Variants in TP73 observed in about 807,000 individuals in gnomAD.
TP73 encodes p53-like transcription factor.
TP73 carries 25 observed loss-of-function variants against 62.5 expected under a neutral mutation model. The observed-to-expected ratio is 0.40, with a 90% CI of 0.29 to 0.56. TP73 has a LOEUF of 0.56. Among genes scored for constraint, TP73 ranks in the 20% least tolerant of loss-of-function variants. The probability of loss-of-function intolerance (pLI) is 0.46; values close to 1 mark genes in which losing one functional copy is unlikely to be tolerated. For synonymous variants in TP73, 423 were observed against 377.5 expected, an observed-to-expected ratio of 1.12 and a Z score of -1.40; for missense variants, 754 against 913.3, an observed-to-expected ratio of 0.83 and a Z score of 2.25.
At chr1:3,718,986 G>C (rs1640846385) in intron 4 of TP73, among the ~76,000 whole-genome samples, 3 of 152,144 alleles carry the variant, frequency 2.0e-5, no homozygotes, top group South Asian at 4.1e-4. Context: ...CAGAGATGCA[G>C]GTGGAGAGGC....
At chr1:3,707,151 C>A (rs1165705431) in intron 3 of TP73, among the ~76,000 whole-genome samples, 1 of 152,210 alleles carries the variant, frequency 6.6e-6, no homozygotes, top group African/African-American at 2.4e-5. Context: ...TGCCTGGCTC[C>A]CTGGGGCTGG....
At chr1:3,695,916 C>T (rs2124298168) in intron 3 of TP73, among the ~76,000 whole-genome samples, 1 of 152,292 alleles carries the variant, frequency 6.6e-6, no homozygotes, top group East Asian at 1.9e-4. Context: ...TGCTGATGGG[C>T]TGGATATGAG....
chr1:3,659,315 C>A (rs2208992), intron 1 of TP73: 2 of 151,990 alleles, frequency 1.3e-5, no homozygotes, highest in African/African-American at 2.4e-5. Flanking sequence ...GGGCGGCCCA[C>A]GCAGCAACAG....
At chr1:3,693,393 T>C (rs1021950694) in intron 3 of TP73, among the ~76,000 whole-genome samples, 1 of 152,222 alleles carries the variant, frequency 6.6e-6, no homozygotes, top group South Asian at 2.1e-4. Flanking sequence ...AGCCTGGCCC[T>C]GGGAAGAGGC....
chr1:3,707,807 C>T lies in TP73; in HGVS notation c.429+16C>T. 1 of 1,608,716 alleles carries T rather than the reference C, an allele frequency of 6.2e-7. No homozygotes were observed. Among genetic ancestry groups the T allele is most frequent in the Non-Finnish European group, 8.5e-7 (1 of 1,177,310 alleles). On this transcript the variant is annotated intron_variant, in intron 4 of 13. Coordinates refer to ENST00000378295, the MANE Select transcript of TP73 (RefSeq NM_005427.4). The stretch of plus-strand genomic sequence containing the variant: ...CACCTGGACGGTGAGTTCCCCTAGT[C>T]CCTGAGGGCTGCGGGCTGCGGGCTG...
intron 3 of TP73, among the ~76,000 whole-genome samples, chr1:3,698,574 G>A (rs1179504728): frequency 6.6e-6 from 1 of 152,182 alleles, no homozygotes; most frequent in Admixed American, 6.5e-5. Flanking sequence ...CGGGAGGCAG[G>A]GGGCAGAAGC....
chr1:3,662,535 G>A lies in TP73; in HGVS notation c.-34+9894G>A, dbSNP rs1169741743. 6.6e-6 allele frequency among the ~76,000 whole-genome samples: 1 copy of A among 152,176 alleles called. No individual in the cohort carries two copies. Among genetic ancestry groups the A allele is most frequent in the African/African-American group, 2.4e-5 (1 of 41,446 alleles). ...CAGGCGATCAGAGTTACCTGGAGCC[G>A]CTCTCCTCCCGGCATAGAGACCTTT... On this transcript the variant is annotated intron_variant, in intron 1 of 13. Transcript: ENST00000378295. This position sits in a 1 kb window ranked among gnomAD's most constrained non-coding sequence, Gnocchi z 4.4.
At chr1:3,656,281 C>G (rs1314035638) in intron 1 of TP73, among the ~76,000 whole-genome samples, 1 of 152,236 alleles carries the variant, frequency 6.6e-6, no homozygotes, top group Admixed American at 6.5e-5. Context: ...GACTTTCTGC[C>G]TGCCCCCTGG....
intron 3 of TP73, among the ~76,000 whole-genome samples, chr1:3,707,289 C>T (rs1053622974): frequency 6.6e-6 from 1 of 152,186 alleles, no homozygotes; most frequent in South Asian, 2.1e-4. Context: ...TGCAGAGAGT[C>T]TATTCCGCCT....
intron 13 of TP73, 60 bp downstream of exon 13, chr1:3,731,616 G>A: frequency 6.8e-7 from 1 of 1,478,082 alleles, no homozygotes; most frequent in Non-Finnish European, 9.4e-7. Context: ...CCTGTCCGGA[G>A]GGCAAAGAGC....
At chr1:3,722,298 G>A in intron 5 of TP73, 91 bp downstream of exon 5, 3 of 1,476,826 alleles carry the variant, frequency 2.0e-6, no homozygotes, top group Non-Finnish European at 2.8e-6. Flanking sequence ...GAGAGAGTGG[G>A]GCTGACAGCA....
At chr1:3,702,623 G>A (rs111829113) in intron 3 of TP73, among the ~76,000 whole-genome samples, 2,236 of 152,298 alleles carry the variant, frequency 0.015, 62 homozygotes, top group African/African-American at 0.05. Flanking sequence ...CTCCTGCCCC[G>A]CAACAAGGCC....
chr1:3,695,061 G>A (rs978842905), intron 3 of TP73, among the ~76,000 whole-genome samples: 1 of 152,186 alleles, frequency 6.6e-6, no homozygotes, highest in Non-Finnish European at 1.5e-5. Flanking sequence ...TCCTGTGGTG[G>A]CTCTGGCCAA....
intron 4 of TP73, among the ~76,000 whole-genome samples, chr1:3,717,732 T>C (rs1437046403): frequency 3.3e-5 from 5 of 152,182 alleles, no homozygotes; most frequent in African/African-American, 1.2e-4. Flanking sequence ...AGCCACCCTC[T>C]AGAAGGACCT....
At chr1:3,684,134 G>A (rs1164847597) in intron 3 of TP73, among the ~76,000 whole-genome samples, 1 of 152,214 alleles carries the variant, frequency 6.6e-6, no homozygotes, top group Non-Finnish European at 1.5e-5. Flanking sequence ...TGAGGAGAGA[G>A]CAAAGATCCC....
At chr1:3,728,984 T>C (rs1641897678) in intron 9 of TP73, among the ~76,000 whole-genome samples, 1 of 124,352 alleles carries the variant, frequency 8.0e-6, no homozygotes, top group Non-Finnish European at 1.9e-5. Flanking sequence ...CAAGACGCTG[T>C]CGAAAGAAAG....
At chr1:3,690,803 C>T (rs1184284445) in intron 3 of TP73, 99 of 1,531,396 alleles carry the variant, frequency 6.5e-5, no homozygotes, top group Non-Finnish European at 8.0e-5. Flanking sequence ...TCCACGCTGC[C>T]GGGCGGCCAC....
chr1:3,689,715 G>A (rs986614668), intron 3 of TP73, among the ~76,000 whole-genome samples: 1 of 152,158 alleles, frequency 6.6e-6, no homozygotes, highest in Admixed American at 6.5e-5. Flanking sequence ...GCAGGAAAAG[G>A]TTGGAAGGAA....
chr1:3,710,758 G>T (rs1640074627), intron 4 of TP73, among the ~76,000 whole-genome samples: 1 of 152,204 alleles, frequency 6.6e-6, no homozygotes. Flanking sequence ...CACAGACACA[G>T]CACCCTCCCA....
Sources: allele counts gnomAD v4.1 joint callset (sites outside exome capture counted in the v4.1 genomes callset), GRCh38; gene constraint gnomAD v4.1.1; non-coding constraint Gnocchi (gnomAD v3.1); transcripts MANE v1.5; gene names NCBI Gene and HGNC (gene_info 2026-07-23, HGNC 2026-07-21).